WAC: variants seen among roughly 807,000 people sequenced by gnomAD.
WAC encodes the protein WW domain-containing adapter protein with coiled-coil.
A neutral mutation model predicts 79.6 loss-of-function variants in WAC; 11 were observed. The ratio of observed to expected loss-of-function variants is 0.14; its 90% CI spans 0.09 to 0.23. The LOEUF is 0.23. WAC is among the 10% of genes least tolerant of loss of function. WAC has a pLI of 1.00. For missense variants in WAC, 728 were observed against 773.5 expected, an observed-to-expected ratio of 0.94 and a Z score of 0.70; for synonymous variants, 304 against 276.9, an observed-to-expected ratio of 1.10 and a Z score of -0.97.
chr10:28,556,779 G>C (rs1414977622), intron 3 of WAC, among the ~76,000 whole-genome samples: 1 of 152,002 alleles, frequency 6.6e-6, no homozygotes, highest in East Asian at 1.9e-4. Context: ...TTCTGCGTGC[G>C]GCTATCCAGT....
intron 3 of WAC, among the ~76,000 whole-genome samples, chr10:28,582,924 AT>A (rs1564400167): frequency 6.6e-6 from 1 of 152,166 alleles, no homozygotes; most frequent in Non-Finnish European, 1.5e-5. Flanking sequence ...ATGCTGTTTT[AT>A]TTGAAAAATC....
intron 8 of WAC, among the ~76,000 whole-genome samples, chr10:28,608,837 T>C (rs973058374): frequency 2.6e-5 from 4 of 152,190 alleles, no homozygotes; most frequent in Non-Finnish European, 5.9e-5. Context: ...AATATGCTAA[T>C]TACTAGAAAA....
At chr10:28,610,602 T>C in intron 8 of WAC, 97 bp from the exon 9 acceptor site, 1 of 1,274,316 alleles carries the variant, frequency 7.8e-7, no homozygotes, top group Non-Finnish European at 1.0e-6. Flanking sequence ...GGTTGAAATA[T>C]TCCAGTTTCT....
chr10:28,553,506 T>C (rs1837813637), intron 3 of WAC, among the ~76,000 whole-genome samples: 1 of 152,180 alleles, frequency 6.6e-6, no homozygotes, highest in Middle Eastern at 3.2e-3. Flanking sequence ...TCAGAAATTC[T>C]TGTGTATTTG....
chr10:28,562,374 C>G (rs574496631), intron 3 of WAC, among the ~76,000 whole-genome samples: 1 of 152,028 alleles, frequency 6.6e-6, no homozygotes, highest in Non-Finnish European at 1.5e-5. Flanking sequence ...AGTAGATTTT[C>G]TATGTGTTTT....
At chr10:28,602,791 G>GTA (rs1840705488) in intron 7 of WAC, among the ~76,000 whole-genome samples, 1 of 152,176 alleles carries the variant, frequency 6.6e-6, no homozygotes, top group Non-Finnish European at 1.5e-5. Flanking sequence ...CCTAGAAAGA[G>GTA]GTTATAGCAA....
chr10:28,540,652 T>C (rs962384522), intron 3 of WAC, among the ~76,000 whole-genome samples: 2 of 152,238 alleles, frequency 1.3e-5, no homozygotes, highest in African/African-American at 4.8e-5. Context: ...ACACTAACGT[T>C]TGGATTTTAA....
At chr10:28,583,155 G>C (rs1169616219) in intron 3 of WAC, among the ~76,000 whole-genome samples, 1 of 151,990 alleles carries the variant, frequency 6.6e-6, no homozygotes, top group Admixed American at 6.6e-5. Flanking sequence ...CAAAAAGGTT[G>C]TTATATGCTG....
chr10:28,566,297 C>T (rs1359938871), intron 3 of WAC, among the ~76,000 whole-genome samples: 1 of 151,920 alleles, frequency 6.6e-6, no homozygotes, highest in Admixed American at 6.6e-5. Context: ...TAGGGTGGGG[C>T]AAGTGTTGAC....
chr10:28,551,180 A>C (rs1837647557), intron 3 of WAC, among the ~76,000 whole-genome samples: 1 of 152,168 alleles, frequency 6.6e-6, no homozygotes, highest in Admixed American at 6.5e-5. Flanking sequence ...AAGCTTTTTG[A>C]AGCTACTTAC....
In WAC at chr10:28,619,637, A is replaced by G. The variant is rs574238898; in HGVS notation, c.*31A>G. 2 of 1,544,224 alleles carry G rather than the reference A, an allele frequency of 1.3e-6. No homozygotes were observed. Among genetic ancestry groups the G allele is most frequent in the South Asian group, 2.4e-5 (2 of 82,130 alleles). ...TGAATAATTGCACATGGTTTTGAGA[A>G]CAGGAACTGTAAATCTGTTGCCCAA... On this transcript the variant is annotated 3_prime_UTR_variant, in exon 14 of 14. Coordinates refer to ENST00000354911, the MANE Select transcript of WAC (RefSeq NM_016628.5).
chr10:28,538,943 T>C (rs1330548942), intron 3 of WAC, among the ~76,000 whole-genome samples: 2 of 151,834 alleles, frequency 1.3e-5, no homozygotes, highest in African/African-American at 2.4e-5. Flanking sequence ...GCAAGTGAGT[T>C]GGATTATCTA....
intron 4 of WAC, among the ~76,000 whole-genome samples, chr10:28,587,596 ATATTAGTTACTCTTTTTGTAAAGT>A (rs1839887031): frequency 6.6e-6 from 1 of 152,224 alleles, no homozygotes; most frequent in African/African-American, 2.4e-5. Context: ...TAAGTCCTCA[ATATTAGTTACTCTTTTTGTAAAGT>A]TAAGAAATTT....
At chr10:28,558,788 G>A (rs533980269) in intron 3 of WAC, among the ~76,000 whole-genome samples, 117 of 152,314 alleles carry the variant, frequency 7.7e-4, no homozygotes, top group African/African-American at 2.7e-3. Flanking sequence ...CTGTGGTAAA[G>A]ATAAGTTGCA....
chr10:28,619,399 G>A (rs1841611582), intron 13 of WAC, 138 bp from the exon 14 acceptor site: 3 of 636,808 alleles, frequency 4.7e-6, no homozygotes, highest in Non-Finnish European at 5.2e-6. Context: ...CCAATTTATA[G>A]TTAAATAATT....
intron 8 of WAC, among the ~76,000 whole-genome samples, chr10:28,610,005 C>T (rs1417728074): frequency 7.0e-6 from 1 of 143,614 alleles, no homozygotes; most frequent in Non-Finnish European, 1.5e-5. Flanking sequence ...AATCCCGGCT[C>T]ACTGCAACCT....
intron 7 of WAC, 47 bp downstream of exon 7, chr10:28,596,088 G>C: frequency 6.5e-7 from 1 of 1,541,500 alleles, no homozygotes; most frequent in South Asian, 1.3e-5. Flanking sequence ...TAGTTTCTAA[G>C]TTTCTTCTAA....
chr10:28,564,157 C>G (rs1009348510), intron 3 of WAC, among the ~76,000 whole-genome samples: 1 of 152,002 alleles, frequency 6.6e-6, no homozygotes, highest in East Asian at 1.9e-4. Flanking sequence ...CCCAGCAACT[C>G]TGGAGGCTGA....
chr10:28,533,832 G>C (rs1836436109), intron 1 of WAC, 166 bp from the exon 2 acceptor site: 1 of 1,022,592 alleles, frequency 9.8e-7, no homozygotes, highest in South Asian at 1.6e-5. Flanking sequence ...CGCCCTCTCC[G>C]GCCCTTCCGG....
Sources: gnomAD v4.1 joint callset for allele counts (sites outside exome capture counted in the v4.1 genomes callset) on GRCh38, gnomAD v4.1.1 for gene constraint, MANE v1.5 for transcripts, NCBI Gene and HGNC (gene_info 2026-07-23, HGNC 2026-07-21) for gene names.